The following GDA variants were observed in gnomAD, a reference collection of about 807,000 sequenced individuals.
GDA encodes the protein cytoplasmic PSD-95 interactor.
In GDA, 18 loss-of-function variants were observed where a neutral mutation model predicts 59.6. That is an observed-to-expected ratio of 0.30 (90% confidence interval 0.21 to 0.45). The LOEUF (loss-of-function observed/expected upper bound fraction) is 0.45. Among genes scored for constraint, GDA ranks in the 20% least tolerant of loss-of-function variants. The probability of loss-of-function intolerance (pLI) is 1.00; values close to 1 mark genes in which losing one functional copy is unlikely to be tolerated. For synonymous variants in GDA, 201 were observed against 201.1 expected, an observed-to-expected ratio of 1.00 and a Z score of 0.00; for missense variants, 427 against 552.3, an observed-to-expected ratio of 0.77 and a Z score of 2.27.
chr9:72,185,857 C>G (rs969545413), intron 1 of GDA, among the ~76,000 whole-genome samples: 1 of 152,126 alleles, frequency 6.6e-6, no homozygotes, highest in Non-Finnish European at 1.5e-5. Context: ...CTCATTATTG[C>G]TCATCCTAAA....
intron 6 of GDA, among the ~76,000 whole-genome samples, chr9:72,221,391 G>A (rs1836846189): frequency 6.6e-6 from 1 of 152,150 alleles, no homozygotes; most frequent in African/African-American, 2.4e-5. Flanking sequence ...TGCTGAAGAA[G>A]ATACCCTCCT....
chr9:72,238,759 G>T (rs1241121732), intron 10 of GDA, among the ~76,000 whole-genome samples: 1 of 152,138 alleles, frequency 6.6e-6, no homozygotes, highest in East Asian at 1.9e-4. Flanking sequence ...AGTGGGGTAA[G>T]GGGGCAGATC....
intron 1 of GDA, among the ~76,000 whole-genome samples, chr9:72,163,189 G>A (rs1171662701): frequency 1.3e-5 from 2 of 152,118 alleles, no homozygotes; most frequent in Non-Finnish European, 2.9e-5. Flanking sequence ...AAAGGGAAGA[G>A]CTTTCCTGGG....
At chr9:72,194,505 A>ACCCTT (rs983678359) in intron 1 of GDA, among the ~76,000 whole-genome samples, 2 of 150,894 alleles carry the variant, frequency 1.3e-5, no homozygotes, top group African/African-American at 4.9e-5. Flanking sequence ...AGTCCTCCCC[A>ACCCTT]CCCTTCCCTC....
downstream of GDA, among the ~76,000 whole-genome samples, chr9:72,252,994 A>G (rs1840791629): frequency 6.6e-6 from 1 of 152,210 alleles, no homozygotes; most frequent in Non-Finnish European, 1.5e-5. Flanking sequence ...ATAATTTTAT[A>G]AATATTTTTA....
upstream of GDA, among the ~76,000 whole-genome samples, chr9:72,148,309 A>ATG (rs58161772): frequency 1.1e-3 from 161 of 145,950 alleles, 1 homozygote; most frequent in African/African-American, 3.9e-3. Flanking sequence ...TGGTGTGTGT[A>ATG]TGTGTGTGTG....
At chr9:72,195,441 A>C in intron 1 of GDA, 59 bp from the exon 2 acceptor site, 1 of 663,236 alleles carries the variant, frequency 1.5e-6, no homozygotes, top group Non-Finnish European at 2.6e-6. Context: ...TTTAATAAAA[A>C]ACAAATGACT....
chr9:72,210,032 C>A (rs2131421745), intron 3 of GDA, among the ~76,000 whole-genome samples: 1 of 152,230 alleles, frequency 6.6e-6, no homozygotes, highest in African/African-American at 2.4e-5. Context: ...GGGTGGTTGG[C>A]TGATTTCAAC....
At chr9:72,133,466 T>G (rs926381212) in intron 1 of GDA, among the ~76,000 whole-genome samples, 2 of 152,132 alleles carry the variant, frequency 1.3e-5, no homozygotes, top group African/African-American at 4.8e-5. Context: ...GCAATGTGAA[T>G]GGTTTTGACA....
At chr9:72,156,417 C>T (rs1420719658) in intron 1 of GDA, among the ~76,000 whole-genome samples, 2 of 152,202 alleles carry the variant, frequency 1.3e-5, no homozygotes, top group Non-Finnish European at 2.9e-5. Context: ...TCCTCCACTT[C>T]CTGCCAAGCT....
chr9:72,203,137 A>G (rs1266970132), intron 3 of GDA, among the ~76,000 whole-genome samples: 2 of 152,172 alleles, frequency 1.3e-5, no homozygotes, highest in East Asian at 3.8e-4. Context: ...CCCATCTGTA[A>G]AAAATAGAGA....
intron 1 of GDA, among the ~76,000 whole-genome samples, chr9:72,181,674 C>T (rs1007001593): frequency 6.6e-6 from 1 of 151,956 alleles, no homozygotes; most frequent in Admixed American, 6.6e-5. Flanking sequence ...GAGTCTTGCT[C>T]TGTCACCTGG....
At chr9:72,115,012 T>G (rs956117184) in intron 1 of GDA, among the ~76,000 whole-genome samples, 1 of 152,162 alleles carries the variant, frequency 6.6e-6, no homozygotes, top group African/African-American at 2.4e-5. Flanking sequence ...CACTATGGCC[T>G]TAACCCACCC....
intron 5 of GDA, 69 bp downstream of exon 5, chr9:72,214,060 T>A: frequency 2.3e-6 from 2 of 869,224 alleles, no homozygotes; most frequent in Admixed American, 1.9e-5. Flanking sequence ...GAGTTAGAGA[T>A]GGAAAAAGGA....
chr9:72,183,941 T>C (rs1289043700), intron 1 of GDA, among the ~76,000 whole-genome samples: 3 of 152,192 alleles, frequency 2.0e-5, no homozygotes, highest in Non-Finnish European at 2.9e-5. Context: ...CCATGAGTAT[T>C]ATTTTCTTTA....
chr9:72,228,211 G>A, intron 9 of GDA, 171 bp downstream of exon 9: 1 of 579,030 alleles, frequency 1.7e-6, no homozygotes, highest in Non-Finnish European at 3.1e-6. Flanking sequence ...AAGAGAACAC[G>A]TAAGAGGACA....
chr9:72,248,764 A>G lies in GDA; in HGVS notation c.*422A>G, dbSNP rs1840408728. The G allele has an allele frequency of 1.0e-6, 1 of 994,030 alleles. No homozygotes were observed. The highest frequency in any genetic ancestry group is 5.5e-5 in the Admixed American group (1 of 18,082). The allele number at this position is 994,030 out of a possible 1,614,324, so 61.6% of individuals were successfully genotyped here. ...AATGGACCCATGAGAGTATATTTTT[A>G]TGAGGGAGCAAAAGTTAGACTGAGA... On this transcript the variant is annotated 3_prime_UTR_variant, in exon 14 of 14. Transcript: ENST00000358399.
chr9:72,139,095 T>A (rs1369022013), intron 1 of GDA, among the ~76,000 whole-genome samples: 1 of 152,196 alleles, frequency 6.6e-6, no homozygotes, highest in African/African-American at 2.4e-5. Flanking sequence ...GCTATTCCTC[T>A]TTCAAGCACT....
chr9:72,253,569 G>C (rs1002640489), downstream of GDA: 2 of 152,138 alleles, frequency 1.3e-5, no homozygotes, highest in African/African-American at 4.8e-5. Context: ...ACTTTGCTGT[G>C]TGATTGTTCT....
Sources: allele counts gnomAD v4.1 joint callset (sites outside exome capture counted in the v4.1 genomes callset), GRCh38; gene constraint gnomAD v4.1.1; transcripts MANE v1.5; gene names NCBI Gene and HGNC (gene_info 2026-07-23, HGNC 2026-07-21).